CES5A: variants seen among roughly 807,000 people sequenced by gnomAD.
CES5A encodes the protein carboxylesterase 5.
A neutral mutation model predicts 62.9 loss-of-function variants in CES5A; 67 were observed. The ratio of observed to expected loss-of-function variants is 1.07; its 90% CI spans 0.88 to 1.31. The LOEUF is 1.31. Ranked by LOEUF, CES5A falls within the 50% of genes most tolerant of loss-of-function variation. The pLI is 0.00. For synonymous variants in CES5A, 296 were observed against 280.8 expected (o/e 1.05, Z -0.54); for missense variants, 748 against 708.5 (o/e 1.06, Z -0.63).
At chr16:55,931,486 G>T (rs1313381186) in intron 2 of CES5A, among the ~76,000 whole-genome samples, 1 of 152,274 alleles carries the variant, frequency 6.6e-6, no homozygotes, top group Non-Finnish European at 1.5e-5. Flanking sequence ...TCAGGCCTTA[G>T]ATGATCTGGC....
chr16:55,867,607 C>T (rs1263645473), intron 4 of CES5A, among the ~76,000 whole-genome samples: 9 of 152,160 alleles, frequency 5.9e-5, no homozygotes, highest in African/African-American at 1.7e-4. Flanking sequence ...ATTTTACCTC[C>T]ATTCTACTGT....
At chr16:55,939,656 C>G (rs144417786) in intron 2 of CES5A, among the ~76,000 whole-genome samples, 4 of 151,746 alleles carry the variant, frequency 2.6e-5, no homozygotes, top group African/African-American at 9.7e-5. Flanking sequence ...TGAAAAACAC[C>G]ATCAACAAAT....
At chr16:55,884,489 T>TC (rs2033793835) in intron 1 of CES5A, among the ~76,000 whole-genome samples, 1 of 151,934 alleles carries the variant, frequency 6.6e-6, no homozygotes, top group East Asian at 1.9e-4. Context: ...ACTCTGAGAC[T>TC]CCCCCTCTTC....
At chr16:55,891,028 G>T (rs557144376) in intron 1 of CES5A, among the ~76,000 whole-genome samples, 1 of 151,062 alleles carries the variant, frequency 6.6e-6, no homozygotes, top group African/African-American at 2.4e-5. Flanking sequence ...GACTCATTCC[G>T]ATTATCTGCT....
chr16:55,883,426 C>T (rs2142426365), intron 1 of CES5A, among the ~76,000 whole-genome samples: 1 of 152,224 alleles, frequency 6.6e-6, no homozygotes, highest in Middle Eastern at 3.4e-3. Flanking sequence ...CATGCACCAC[C>T]ACACCCAGCT....
At chr16:55,849,824 G>C (rs952575847) in intron 10 of CES5A, 51 bp from the exon 11 acceptor site, 1 of 1,587,864 alleles carries the variant, frequency 6.3e-7, no homozygotes, top group Non-Finnish European at 8.6e-7. Context: ...GGAGCAGGGG[G>C]CTGGCTCTGT....
chr16:55,873,659 A>G (rs2033639268), intron 2 of CES5A, among the ~76,000 whole-genome samples, 174 bp downstream of exon 2: 1 of 152,192 alleles, frequency 6.6e-6, no homozygotes. Flanking sequence ...TGACCTGGCC[A>G]TCAGCCAGTT....
chr16:55,874,642 GA>G (rs1299634958), intron 1 of CES5A, among the ~76,000 whole-genome samples: 1 of 152,162 alleles, frequency 6.6e-6, no homozygotes, highest in Admixed American at 6.5e-5. Context: ...TTCTCATGCA[GA>G]TACTTCCTGA....
chr16:55,899,357 C>T (rs1247225371), intron 1 of CES5A, among the ~76,000 whole-genome samples: 1 of 152,202 alleles, frequency 6.6e-6, no homozygotes, highest in Non-Finnish European at 1.5e-5. Flanking sequence ...AAGCACCTTG[C>T]CCTGCTGCAT....
intron 1 of CES5A, among the ~76,000 whole-genome samples, chr16:55,920,546 A>G (rs929065727): frequency 6.6e-6 from 1 of 152,216 alleles, no homozygotes; most frequent in Non-Finnish European, 1.5e-5. Context: ...TGCTTAGATC[A>G]TTTATTAGAA....
At chr16:55,897,032 A>G (rs2033941249) in intron 1 of CES5A, among the ~76,000 whole-genome samples, 1 of 152,002 alleles carries the variant, frequency 6.6e-6, no homozygotes, top group South Asian at 2.1e-4. Context: ...CTGCACCCCT[A>G]AACTAACCCT....
intron 1 of CES5A, among the ~76,000 whole-genome samples, chr16:55,895,702 C>T (rs116299219): frequency 6.6e-6 from 1 of 152,138 alleles, no homozygotes; most frequent in Non-Finnish European, 1.5e-5. Flanking sequence ...AGATATTTAG[C>T]ACTATTTGGA....
chr16:55,949,144 G>A (rs2034527929), intron 2 of CES5A, among the ~76,000 whole-genome samples: 1 of 152,178 alleles, frequency 6.6e-6, no homozygotes, highest in African/African-American at 2.4e-5. Flanking sequence ...GGGATCCACA[G>A]GAAGCAGACC....
chr16:55,903,473 T>A (rs1454309991), intron 1 of CES5A, among the ~76,000 whole-genome samples: 1 of 152,192 alleles, frequency 6.6e-6, no homozygotes, highest in Non-Finnish European at 1.5e-5. Flanking sequence ...CCATTATGAG[T>A]ATTTTTGAGT....
chr16:55,854,935 G>A (rs1327015795), intron 9 of CES5A, among the ~76,000 whole-genome samples: 8 of 152,142 alleles, frequency 5.3e-5, no homozygotes, highest in Admixed American at 4.6e-4. Context: ...ACAGCTGAAA[G>A]CATTCTCTCC....
At chr16:55,923,548 C>T (rs2034229976) in intron 1 of CES5A, among the ~76,000 whole-genome samples, 1 of 151,596 alleles carries the variant, frequency 6.6e-6, no homozygotes, top group African/African-American at 2.4e-5. Flanking sequence ...CAAAGTAAAG[C>T]CCAGGACCTG....
At chr16:55,863,221 T>G in intron 6 of CES5A, 127 bp downstream of exon 6, 2 of 678,632 alleles carry the variant, frequency 2.9e-6, no homozygotes, top group Non-Finnish European at 5.4e-6. Flanking sequence ...AAGGTTCACC[T>G]TGGGCCAGCA....
intron 2 of CES5A, among the ~76,000 whole-genome samples, chr16:55,931,662 T>A (rs1322326913): frequency 8.5e-5 from 13 of 152,188 alleles, no homozygotes; most frequent in Admixed American, 7.9e-4. Context: ...CTAATAGCCC[T>A]CTGTCCTTTG....
intron 1 of CES5A, among the ~76,000 whole-genome samples, chr16:55,919,067 C>T (rs1308676390): frequency 2.6e-5 from 4 of 152,200 alleles, no homozygotes; most frequent in African/African-American, 9.6e-5. Flanking sequence ...CTACCCCACT[C>T]CATCTCTAAT....
Sources: gnomAD v4.1 joint callset for allele counts (sites outside exome capture counted in the v4.1 genomes callset) on GRCh38, gnomAD v4.1.1 for gene constraint, MANE v1.5 for transcripts, NCBI Gene and HGNC (gene_info 2026-07-23, HGNC 2026-07-21) for gene names.